Variants in STK32B observed in about 807,000 individuals in gnomAD.
STK32B encodes serine/threonine-protein kinase 32B.
In STK32B, 43 loss-of-function variants were observed where a neutral mutation model predicts 52.6. The observed-to-expected ratio is 0.82, with a 90% CI of 0.64 to 1.05. STK32B has a LOEUF of 1.05. Ranked by LOEUF, STK32B falls within the 50% of genes least tolerant of loss-of-function variation. The pLI is 0.00. For missense variants in STK32B, 621 were observed against 534.6 expected (o/e 1.16, Z -1.59); for synonymous variants, 238 against 204.3 (o/e 1.17, Z -1.41).
chr4:5,051,989 C>G (rs1741806436), intron 1 of STK32B, 74 bp downstream of exon 1: 1 of 1,543,608 alleles, frequency 6.5e-7, no homozygotes, highest in East Asian at 2.5e-5. Context: ...CCGAGCCCTG[C>G]GGGGCACCGC....
intron 2 of STK32B, among the ~76,000 whole-genome samples, chr4:5,141,757 C>G (rs1340829741): frequency 1.3e-5 from 2 of 152,200 alleles, no homozygotes; most frequent in South Asian, 2.1e-4. Flanking sequence ...TATAGGGGGT[C>G]TCTGCAGTAG....
rs72613196 is a variant in STK32B at position 5,287,812 on chromosome 4, A to G, written c.261-43408A>G. Reference sequence around the variant, plus strand: ...AAAATTCATCATTTTAAAATGTACAATTCAGGAGTTTTTAATATATTCAGA... The same window carrying G: ...AAAATTCATCATTTTAAAATGTACAGTTCAGGAGTTTTTAATATATTCAGA... On this transcript the variant is annotated intron_variant, in intron 3 of 11. Transcript: ENST00000282908. Among the ~76,000 whole-genome samples the G allele has an allele frequency of 3.8e-3, 578 of 152,294 alleles. 14 individuals carry two copies. In the East Asian group the frequency reaches 0.072, roughly 19 times the overall value.
intron 3 of STK32B, among the ~76,000 whole-genome samples, chr4:5,223,163 C>T (rs1052759001): frequency 2.6e-5 from 4 of 152,214 alleles, no homozygotes; most frequent in Non-Finnish European, 5.9e-5. Context: ...GATGGTGAGC[C>T]TTGGCAGCAT....
At chr4:5,022,993 A>G in the STK32B span, among the ~76,000 whole-genome samples, 1 of 151,662 alleles carries the variant, frequency 6.6e-6, no homozygotes, top group Non-Finnish European at 1.5e-5. Flanking sequence ...CGGGGTAGGT[A>G]TGAAGGCATG....
At chr4:5,358,134 T>G (rs1202745173) in intron 4 of STK32B, among the ~76,000 whole-genome samples, 1 of 152,170 alleles carries the variant, frequency 6.6e-6, no homozygotes, top group Non-Finnish European at 1.5e-5. Context: ...AGAATCCAAT[T>G]TATTCCCTAA....
In STK32B at chr4:5,059,641, C is replaced by A. The variant is rs535680952; in HGVS notation, c.52+7726C>A. ...CTTTTTAATAAGAAGATGTTATAAA[C>A]CGTACGCCAATACATTCGAAGTGGA... On this transcript the variant is annotated intron_variant, in intron 1 of 11. Transcript: ENST00000282908. Among the ~76,000 whole-genome samples the A allele has an allele frequency of 8.5e-5, 13 of 152,230 alleles. No homozygotes were observed. In the East Asian group the frequency reaches 2.5e-3, roughly 29 times the overall value.
chr4:5,272,544 C>A (rs1234072744), intron 3 of STK32B, among the ~76,000 whole-genome samples: 1 of 151,636 alleles, frequency 6.6e-6, no homozygotes, highest in African/African-American at 2.4e-5. Flanking sequence ...AGGATTCCCT[C>A]TTTTTCTATT....
chr4:5,122,385 C>CTCAG (rs1715094514), intron 1 of STK32B, among the ~76,000 whole-genome samples: 2 of 148,530 alleles, frequency 1.3e-5, no homozygotes, highest in Non-Finnish European at 3.0e-5. Flanking sequence ...CATTCATTCA[C>CTCAG]TCACTCATTC....
intron 11 of STK32B, among the ~76,000 whole-genome samples, chr4:5,483,550 A>G (rs1377905648): frequency 1.3e-5 from 2 of 152,006 alleles, no homozygotes; most frequent in African/African-American, 4.8e-5. Flanking sequence ...TCCTGGATTC[A>G]TTGATTTTTT....
At chr4:5,435,422 C>G (rs1475586597) in intron 6 of STK32B, among the ~76,000 whole-genome samples, 2 of 152,144 alleles carry the variant, frequency 1.3e-5, no homozygotes, top group African/African-American at 2.4e-5. Flanking sequence ...TCAGTCCCAG[C>G]CTTTTCTGTG....
intron 4 of STK32B, among the ~76,000 whole-genome samples, chr4:5,367,162 A>C (rs915895112): frequency 6.6e-6 from 1 of 152,146 alleles, no homozygotes; most frequent in African/African-American, 2.4e-5. Context: ...CTAAAATAGA[A>C]ATGTAACACA....
chr4:5,316,255 ATATAT>A lies in STK32B; in HGVS notation c.261-14959_261-14955del, dbSNP rs1270925910. Among the ~76,000 whole-genome samples, 83 of 57,936 alleles carry A rather than the reference ATATAT, an allele frequency of 1.4e-3. 1 individual carries two copies. The highest frequency in any genetic ancestry group is 1.8e-3 in the Non-Finnish European group (69 of 39,272). 38.0% of individuals were successfully genotyped at this position (57,936 alleles called of 152,430 possible). ...TACAATATTATATATTGTATATATAATATATTATATAGTATATATAATATATTATA... is the reference window on the plus strand; with the variant it reads ...TACAATATTATATATTGTATATATAATATATAGTATATATAATATATTATA... On this transcript the variant is annotated intron_variant, in intron 3 of 11. Transcript: ENST00000282908.
intron 1 of STK32B, among the ~76,000 whole-genome samples, chr4:5,122,942 G>A (rs1715150226): frequency 6.6e-6 from 1 of 152,086 alleles, no homozygotes; most frequent in South Asian, 2.1e-4. Context: ...CCCCTGCCTT[G>A]ACTCTCTATT....
At chr4:5,249,465 T>A (rs529262873) in intron 3 of STK32B, among the ~76,000 whole-genome samples, 55 of 108,164 alleles carry the variant, frequency 5.1e-4, no homozygotes, top group Admixed American at 1.9e-3. Context: ...CTTCCTTCCT[T>A]CCTTCCTTCC....
chr4:5,231,343 G>T (rs953893542), intron 3 of STK32B, among the ~76,000 whole-genome samples: 2 of 152,192 alleles, frequency 1.3e-5, no homozygotes, highest in Non-Finnish European at 2.9e-5. Context: ...GGGTGCAGTG[G>T]CTCACACCTA....
chr4:5,080,276 CTT>C (rs558416551), intron 1 of STK32B, among the ~76,000 whole-genome samples: 106 of 152,298 alleles, frequency 7.0e-4, no homozygotes, highest in African/African-American at 2.5e-3. Context: ...CCGTCACTCT[CTT>C]GTGTATACCA....
At chr4:5,391,914 A>G (rs905475977) in intron 4 of STK32B, among the ~76,000 whole-genome samples, 2 of 152,218 alleles carry the variant, frequency 1.3e-5, no homozygotes, top group African/African-American at 4.8e-5. Flanking sequence ...AGCACATCTC[A>G]GTGTTCACTT....
chr4:5,191,388 T>C (rs541096514), intron 3 of STK32B, among the ~76,000 whole-genome samples: 1 of 152,156 alleles, frequency 6.6e-6, no homozygotes, highest in East Asian at 1.9e-4. Flanking sequence ...GTAGCTGGGA[T>C]TACAGGCGCA....
At chr4:5,068,850 G>A (rs1711586182) in intron 1 of STK32B, among the ~76,000 whole-genome samples, 1 of 152,184 alleles carries the variant, frequency 6.6e-6, no homozygotes, top group Non-Finnish European at 1.5e-5. Flanking sequence ...GATATTCAGT[G>A]TAGTGAGATG....
Sources: allele counts gnomAD v4.1 joint callset (sites outside exome capture counted in the v4.1 genomes callset), GRCh38; gene constraint gnomAD v4.1.1; transcripts MANE v1.5; gene names NCBI Gene and HGNC (gene_info 2026-07-23, HGNC 2026-07-21).